Variants in RUNX1T1 observed in about 807,000 individuals in gnomAD.
RUNX1T1 encodes the protein protein CBFA2T1.
RUNX1T1 carries 4 observed loss-of-function variants against 62.8 expected under a neutral mutation model. That is an observed-to-expected ratio of 0.06 (90% confidence interval 0.03 to 0.15). RUNX1T1 has a LOEUF of 0.15. Ranked by LOEUF, RUNX1T1 falls within the 10% of genes least tolerant of loss-of-function variation. RUNX1T1 has a pLI of 1.00. For missense variants in RUNX1T1, 508 were observed against 754.3 expected (o/e 0.67, Z 3.82); for synonymous variants, 291 against 286.0 (o/e 1.02, Z -0.18).
chr8:91,978,245 T>C (rs529692985), intron 8 of RUNX1T1, among the ~76,000 whole-genome samples: 8 of 152,294 alleles, frequency 5.3e-5, no homozygotes, highest in East Asian at 1.9e-4. Context: ...CTATTGACCA[T>C]GGAACACTGG....
At chr8:92,080,149 T>C (rs1026270867) in intron 1 of RUNX1T1, among the ~76,000 whole-genome samples, 5 of 151,876 alleles carry the variant, frequency 3.3e-5, no homozygotes, top group African/African-American at 1.2e-4. Flanking sequence ...TACTCTACCC[T>C]CCACATTTGG....
chr8:92,025,042 G>A (rs1410612865), intron 1 of RUNX1T1, among the ~76,000 whole-genome samples: 2 of 152,186 alleles, frequency 1.3e-5, no homozygotes, highest in Non-Finnish European at 2.9e-5. Context: ...TGGCCAGTAT[G>A]AGAATAACTC....
At chr8:92,093,309 G>T (rs976809131) in intron 1 of RUNX1T1, among the ~76,000 whole-genome samples, 38 of 147,726 alleles carry the variant, frequency 2.6e-4, no homozygotes, top group Admixed American at 2.2e-3. Flanking sequence ...GTCCCTTCTG[G>T]TTTTTTTTTT....
intron 5 of RUNX1T1, among the ~76,000 whole-genome samples, chr8:91,993,830 A>T (rs1297870051): frequency 6.6e-6 from 1 of 152,094 alleles, no homozygotes; most frequent in Non-Finnish European, 1.5e-5. Context: ...CGCCTCTACT[A>T]AATATACAAA....
At chr8:91,956,700 G>A (rs1809441990), downstream of RUNX1T1, 5 of 224,946 alleles carry the variant, frequency 2.2e-5, no homozygotes, top group African/African-American at 8.9e-5. Context: ...CCACCCCCCA[G>A]TGTTAGTCTA....
At chr8:91,956,790 A>G (rs1809452389), downstream of RUNX1T1, 1 of 218,076 alleles carries the variant, frequency 4.6e-6, no homozygotes, top group African/African-American at 2.2e-5. Flanking sequence ...ACCCAAAATA[A>G]TATTTTAAAA....
chr8:92,027,073 G>A (rs1374652573), intron 1 of RUNX1T1, among the ~76,000 whole-genome samples: 7 of 142,684 alleles, frequency 4.9e-5, no homozygotes, highest in Non-Finnish European at 7.5e-5. Flanking sequence ...TCGAGATCGC[G>A]CCACTGCGCT....
intron 1 of RUNX1T1, among the ~76,000 whole-genome samples, chr8:92,018,794 T>A (rs1823516833): frequency 6.6e-6 from 1 of 152,150 alleles, no homozygotes; most frequent in East Asian, 1.9e-4. Flanking sequence ...GAAGATGCAA[T>A]AAGAGAATGA....
chr8:92,095,210 C>T lies in RUNX1T1; in HGVS notation c.-86+4370G>A, dbSNP rs1236740691. 5.9e-6 allele frequency: 9 copies of T among 1,534,284 alleles called. No homozygotes were observed. The Admixed American group carries it at 1.8e-4, about 30-fold the overall frequency. ...CAGATAACATGTTACATCTTCACTT[C>T]TCCTGGTCTTATCGACTTCTGAATC... On this transcript the variant is annotated intron_variant, in intron 1 of 11. Coordinates refer to the RUNX1T1 transcript ENST00000265814.
chr8:92,102,912 A>G, upstream of RUNX1T1: 1 of 1,514,040 alleles, frequency 6.6e-7, no homozygotes, highest in Non-Finnish European at 8.8e-7. This position sits in a 1 kb window ranked among gnomAD's most constrained non-coding sequence, Gnocchi z 4.5. Context: ...CTGCAAATAA[A>G]ACTTCCCGTC....
At chr8:92,077,906 TA>T (rs1214997169) in intron 1 of RUNX1T1, among the ~76,000 whole-genome samples, 1 of 152,140 alleles carries the variant, frequency 6.6e-6, no homozygotes, top group African/African-American at 2.4e-5. Context: ...TGATAAACTT[TA>T]AGACAAATTT....
intron 1 of RUNX1T1, among the ~76,000 whole-genome samples, chr8:92,020,842 T>TC (rs1554623674): frequency 7.9e-5 from 12 of 151,176 alleles, no homozygotes; most frequent in Non-Finnish European, 1.5e-4. Context: ...TTTTTTTTTT[T>TC]CAATAAAAAG....
chr8:91,961,798 C>A (rs1810507963), intron 10 of RUNX1T1, among the ~76,000 whole-genome samples: 1 of 152,178 alleles, frequency 6.6e-6, no homozygotes, highest in African/African-American at 2.4e-5. Context: ...ACTTTTTATT[C>A]TTTAACTTCA....
At chr8:92,085,984 C>T (rs1836048315) in intron 1 of RUNX1T1, among the ~76,000 whole-genome samples, 1 of 152,300 alleles carries the variant, frequency 6.6e-6, no homozygotes, top group Middle Eastern at 3.4e-3. Flanking sequence ...TTCTATTAAA[C>T]TCAGTAGATT....
At chr8:92,042,897 G>C (rs1474445735) in intron 1 of RUNX1T1, among the ~76,000 whole-genome samples, 1 of 152,138 alleles carries the variant, frequency 6.6e-6, no homozygotes, top group Non-Finnish European at 1.5e-5. Context: ...AGTGCCCTGA[G>C]CTGTGTTTGG....
chr8:92,036,360 T>C (rs967942973), intron 1 of RUNX1T1, among the ~76,000 whole-genome samples: 1 of 152,256 alleles, frequency 6.6e-6, no homozygotes, highest in Non-Finnish European at 1.5e-5. Flanking sequence ...AAGTTCATTG[T>C]GTTATTAACT....
chr8:91,985,979 T>C (rs1044132073), intron 8 of RUNX1T1, 145 bp downstream of exon 9: 8 of 687,944 alleles, frequency 1.2e-5, no homozygotes, highest in African/African-American at 9.0e-5. Flanking sequence ...TCCTAACAGA[T>C]AGACAAGACA....
intron 5 of RUNX1T1, among the ~76,000 whole-genome samples, chr8:91,999,776 T>C (rs893052282): frequency 1.3e-5 from 2 of 152,112 alleles, no homozygotes; most frequent in African/African-American, 4.8e-5. Context: ...TTGGGAAGCT[T>C]TCATTCAAAT....
chr8:91,996,347 G>A lies in RUNX1T1; in HGVS notation c.660-4458C>T, dbSNP rs1406110628. The stretch of plus-strand genomic sequence containing the variant: ...CTCCTGAGTAGCTGGGACTACAGGC[G>A]CCCGCCACCACGCCTGGCTAACTTT... On this transcript the variant is annotated intron_variant, in intron 5 of 10. Coordinates refer to ENST00000396218, the Ensembl canonical transcript of RUNX1T1. 7.9e-5 allele frequency among the ~76,000 whole-genome samples: 12 copies of A among 152,054 alleles called. No homozygotes were observed. In the South Asian group the frequency reaches 1.7e-3, roughly 21 times the overall value.
Sources: allele counts gnomAD v4.1 joint callset (sites outside exome capture counted in the v4.1 genomes callset), GRCh38; gene constraint gnomAD v4.1.1; non-coding constraint Gnocchi (gnomAD v3.1); transcripts MANE v1.5; gene names NCBI Gene and HGNC (gene_info 2026-07-23, HGNC 2026-07-21).